The following REPS1 variants were observed in gnomAD, a reference collection of about 807,000 sequenced individuals.
REPS1 encodes the protein ralBP1-associated Eps domain-containing protein 1.
REPS1 carries 39 observed loss-of-function variants against 100.9 expected under a neutral mutation model. That is an observed-to-expected ratio of 0.39 (90% CI 0.30 to 0.50). REPS1 has a LOEUF of 0.50. Ranked by LOEUF, REPS1 falls within the 20% of genes least tolerant of loss-of-function variation. The pLI is 0.86. For synonymous variants in REPS1, 324 were observed against 340.3 expected (o/e 0.95, Z 0.53); for missense variants, 821 against 968.5 (o/e 0.85, Z 2.02).
At chr6:138,948,589 AAAT>A (rs1400116663) in intron 1 of REPS1, among the ~76,000 whole-genome samples, 1 of 152,224 alleles carries the variant, frequency 6.6e-6, no homozygotes, top group Non-Finnish European at 1.5e-5. Context: ...TAGCACAAGT[AAAT>A]ATTAGACTCA....
At chr6:138,920,354 G>C (rs1338512785) in intron 11 of REPS1, 38 bp from the exon 12 acceptor site, 1 of 1,076,698 alleles carries the variant, frequency 9.3e-7, no homozygotes. Flanking sequence ...CAAGACATAG[G>C]TATTTGAACT....
chr6:138,914,551 T>G, intron 15 of REPS1, 146 bp downstream of exon 15: 8 of 668,860 alleles, frequency 1.2e-5, no homozygotes, highest in Admixed American at 2.8e-5. Flanking sequence ...TCTTTCAAAA[T>G]GAGATTCAGC....
rs1253173099 is a variant in REPS1 at position 138,917,662 on chromosome 6, C to A, written c.1529-35G>T. ...GGGATATGTCCTATTTAATAATAAT[C>A]ATTTCTTTACTTTTTGCTCTATCTA... On this transcript the variant is annotated intron_variant, in intron 12 of 19. Transcript: ENST00000450536. 6 of 1,545,768 alleles carry A rather than the reference C, an allele frequency of 3.9e-6. No individual in the cohort carries two copies. In the Admixed American group the frequency reaches 6.7e-5, roughly 17 times the overall value.
chr6:138,967,459 C>T (rs1784086731), intron 1 of REPS1, among the ~76,000 whole-genome samples: 1 of 152,130 alleles, frequency 6.6e-6, no homozygotes, highest in Admixed American at 6.5e-5. Context: ...TTAAAAAGTA[C>T]AGTATCACAC....
At chr6:138,933,923 T>C (rs1177734224) in intron 8 of REPS1, among the ~76,000 whole-genome samples, 1 of 151,970 alleles carries the variant, frequency 6.6e-6, no homozygotes, top group African/African-American at 2.4e-5. Flanking sequence ...CACATTGAAA[T>C]AAACGACGAC....
chr6:138,958,779 GT>G (rs1562554979), intron 1 of REPS1, among the ~76,000 whole-genome samples: 1 of 152,024 alleles, frequency 6.6e-6, no homozygotes, highest in African/African-American at 2.4e-5. Flanking sequence ...CCAAACTATC[GT>G]TTTTTGCTCT....
chr6:138,939,304 T>C (rs995044570), intron 8 of REPS1, among the ~76,000 whole-genome samples: 1 of 152,206 alleles, frequency 6.6e-6, no homozygotes, highest in Admixed American at 6.5e-5. Flanking sequence ...GGGTCTGTGA[T>C]ACTTTTAAAA....
rs545179810 is a variant in REPS1 at position 138,987,615 on chromosome 6, A to T, written c.68T>A (p.Ile23Asn). Residue 23 changes from isoleucine (I) to asparagine (N), a missense_variant, in exon 1 of 20, where the codon ATT (isoleucine) becomes AAT (asparagine). Around this residue, in one of 3 missense-constraint regions of REPS1, gnomAD observed 36 missense variants for 36.7 expected, o/e 0.98. Transcript: ENST00000450536. ...GACCACCACCTTCTTGGTGCTCTCA[A>T]TGTCGCAGTAGGAGAAGAGATCTGA... Reference protein sequence around the residue: ...YYSDLFSYCDIESTKKVVVNG... With the variant: ...YYSDLFSYCDNESTKKVVVNG... 5 of 1,550,966 alleles carry T rather than the reference A, an allele frequency of 3.2e-6. No individual in the cohort carries two copies. Among genetic ancestry groups the T allele is most frequent in the East Asian group, 4.9e-5 (2 of 40,872 alleles).
chr6:138,955,165 G>A (rs532116688), intron 1 of REPS1, among the ~76,000 whole-genome samples: 1 of 152,092 alleles, frequency 6.6e-6, no homozygotes, highest in African/African-American at 2.4e-5. Context: ...ATATAACATA[G>A]TCCATCAGGT....
chr6:138,967,019 A>G (rs1447580199), intron 1 of REPS1, among the ~76,000 whole-genome samples: 1 of 152,226 alleles, frequency 6.6e-6, no homozygotes, highest in East Asian at 1.9e-4. Flanking sequence ...TCAAGAGGTG[A>G]TTAGGTCACA....
intron 1 of REPS1, among the ~76,000 whole-genome samples, chr6:138,976,765 C>T (rs774245528): frequency 4.7e-4 from 71 of 152,244 alleles, no homozygotes; most frequent in South Asian, 8.3e-4. Context: ...ATATAAAGCA[C>T]GCAGAGCGGT....
At chr6:138,939,435 C>T (rs1427262651) in intron 8 of REPS1, among the ~76,000 whole-genome samples, 1 of 152,134 alleles carries the variant, frequency 6.6e-6, no homozygotes, top group Non-Finnish European at 1.5e-5. Context: ...AAAATTTCTT[C>T]CTGAACCATC....
At chr6:138,950,551 C>G (rs755373285) in intron 1 of REPS1, among the ~76,000 whole-genome samples, 33 of 152,144 alleles carry the variant, frequency 2.2e-4, no homozygotes, top group Non-Finnish European at 4.0e-4. Flanking sequence ...ACTTGAAAAG[C>G]AACTGCTATA....
In REPS1 at chr6:138,957,039, CAA is replaced by C. The variant is rs57271374; in HGVS notation, c.154-9128_154-9127del. On this transcript the variant is annotated intron_variant, in intron 1 of 19. Transcript: ENST00000450536. Reference sequence around the variant, plus strand: ...ATATTAAAGATAAATTAGAAAAATACAAAAAAAAAAGAATTCATCTAGAAGGA... The same window carrying C: ...ATATTAAAGATAAATTAGAAAAATACAAAAAAAAGAATTCATCTAGAAGGA... Among the ~76,000 whole-genome samples the C allele has an allele frequency of 5.3e-4, 78 of 145,868 alleles. No homozygotes were observed. In the South Asian group the frequency reaches 0.015, roughly 28 times the overall value.
At chr6:138,944,140 C>T in intron 5 of REPS1, 125 bp from the exon 6 acceptor site, 1 of 863,174 alleles carries the variant, frequency 1.2e-6, no homozygotes, top group Non-Finnish European at 1.8e-6. Context: ...TGTAAAACCA[C>T]ACATCTGTTA....
chr6:138,934,231 C>T, intron 8 of REPS1: 1 of 440,586 alleles, frequency 2.3e-6, no homozygotes, highest in Non-Finnish European at 4.8e-6. Context: ...TTACCTGATG[C>T]AGTGTTCCAA....
rs1357417888 is a variant in REPS1 at position 138,914,708 on chromosome 6, G to A, written c.1774C>T (p.Gln592Ter). Residue 592 changes from glutamine to a stop codon, truncating the protein, a stop_gained, in exon 15 of 20, where the codon CAG becomes TAG. Coordinates refer to ENST00000450536, the MANE Select transcript of REPS1 (RefSeq NM_001286611.2). LOFTEE classifies it high-confidence loss of function. ...AHPPAVPPRP[Q>*]PSQAPGPAVH... ...CCTTGGAGAATTACCTGTGAGGGCT[G>A]TGGTCTTGGAGGCACTGCAGGAGGA... 1 of 1,613,414 alleles carries A rather than the reference G, an allele frequency of 6.2e-7. No homozygotes were observed. Among genetic ancestry groups the A allele is most frequent in the Admixed American group, 1.7e-5 (1 of 59,970 alleles).
At chr6:138,917,186 A>G (rs1393530536) in intron 13 of REPS1, among the ~76,000 whole-genome samples, 1 of 152,134 alleles carries the variant, frequency 6.6e-6, no homozygotes, top group Non-Finnish European at 1.5e-5. Flanking sequence ...GAGGTGGCCC[A>G]CCACTGGGCT....
rs1162574346 is a variant in REPS1 at position 138,961,030 on chromosome 6, T to C, written c.154-13117A>G. ...CCCACTTCCTTCATTTTCAAGAAACTGTCTGCCCAATACCTAAGTCAGCTA... is the reference window on the plus strand; with the variant it reads ...CCCACTTCCTTCATTTTCAAGAAACCGTCTGCCCAATACCTAAGTCAGCTA... On this transcript the variant is annotated intron_variant, in intron 1 of 19. Transcript: ENST00000450536. Among the ~76,000 whole-genome samples, 4 of 152,306 alleles carry C rather than the reference T, an allele frequency of 2.6e-5. No homozygotes were observed. The East Asian group carries it at 7.7e-4, about 29-fold the overall frequency.
Sources: gnomAD v4.1 joint callset for allele counts (sites outside exome capture counted in the v4.1 genomes callset) on GRCh38, gnomAD v4.1.1 for gene constraint, gnomAD v4.1.1 regional missense constraint, MANE v1.5 for transcripts, NCBI Gene and HGNC (gene_info 2026-07-23, HGNC 2026-07-21) for gene names.